Variants in PRKG1 observed in about 807,000 individuals in gnomAD.
PRKG1 encodes the protein protein kinase cGMP-dependent 1, also known as cGMP-dependent protein kinase 1.
A neutral mutation model predicts 88.1 loss-of-function variants in PRKG1; 35 were observed. The observed-to-expected ratio is 0.40, with a 90% confidence interval of 0.30 to 0.53. PRKG1 has a LOEUF of 0.53. PRKG1 is among the 20% of genes least tolerant of loss of function. PRKG1 has a pLI of 0.59. For synonymous variants in PRKG1, 303 were observed against 292.5 expected, an observed-to-expected ratio of 1.04 and a Z score of -0.37; for missense variants, 540 against 839.8, an observed-to-expected ratio of 0.64 and a Z score of 4.41.
At chr10:52,241,200 A>G (rs1187408795) in intron 9 of PRKG1, among the ~76,000 whole-genome samples, 3 of 152,180 alleles carry the variant, frequency 2.0e-5, no homozygotes, top group African/African-American at 2.4e-5. Flanking sequence ...GCAGGACTCC[A>G]TGAAATGAAA....
intron 3 of PRKG1, among the ~76,000 whole-genome samples, chr10:51,564,476 T>A (rs28579070): frequency 0.069 from 10,462 of 151,884 alleles, 1,157 homozygotes; most frequent in African/African-American, 0.24. Flanking sequence ...GGAGTGAGCT[T>A]TGCAGATATT....
In PRKG1 at chr10:51,905,362, A is replaced by T. The variant is rs202080419; in HGVS notation, c.699-2145A>T. On this transcript the variant is annotated intron_variant, in intron 4 of 17. Transcript: ENST00000373980. ...CTAAGTAATGGAAATCAAAGTGACAAATTAACAACAAAATGTTCATGCTTT... is the reference window on the plus strand; with the variant it reads ...CTAAGTAATGGAAATCAAAGTGACATATTAACAACAAAATGTTCATGCTTT... Among the ~76,000 whole-genome samples, 4 of 152,310 alleles carry T rather than the reference A, an allele frequency of 2.6e-5. No individual in the cohort carries two copies. In the South Asian group the frequency reaches 8.3e-4, roughly 32 times the overall value.
chr10:51,568,617 A>T (rs1001690148), intron 3 of PRKG1: 11 of 152,174 alleles, frequency 7.2e-5, no homozygotes, highest in Admixed American at 2.0e-4. Flanking sequence ...GTATTTAAAT[A>T]ACTTTATAGC....
At chr10:52,171,786 A>ATTTTTTTTTTTTTTTTTTT (rs545195374) in intron 9 of PRKG1, among the ~76,000 whole-genome samples, 8 of 93,852 alleles carry the variant, frequency 8.5e-5, no homozygotes, top group African/African-American at 3.0e-4. Flanking sequence ...TTTTATCAAA[A>ATTTTTTTTTTTTTTTTTTT]TTTTTTTTTT....
chr10:51,372,538 T>C (rs752810369), intron 2 of PRKG1, among the ~76,000 whole-genome samples: 10 of 152,164 alleles, frequency 6.6e-5, no homozygotes, highest in Non-Finnish European at 1.0e-4. Flanking sequence ...TCTGCTACTA[T>C]GATGAGTAAA....
At chr10:52,073,996 T>A (rs745309790) in intron 7 of PRKG1, among the ~76,000 whole-genome samples, 65 of 152,076 alleles carry the variant, frequency 4.3e-4, no homozygotes, top group Non-Finnish European at 1.2e-4. Flanking sequence ...TCTGAACACC[T>A]TCACCTGAAA....
At chr10:51,478,132 A>G (rs1050504560) in intron 3 of PRKG1, among the ~76,000 whole-genome samples, 1 of 152,008 alleles carries the variant, frequency 6.6e-6, no homozygotes, top group Non-Finnish European at 1.5e-5. Context: ...GTGTTTGTGT[A>G]TTTTGAGTCT....
chr10:51,417,581 G>C (rs906112728), intron 2 of PRKG1, among the ~76,000 whole-genome samples: 1 of 152,118 alleles, frequency 6.6e-6, no homozygotes, highest in Non-Finnish European at 1.5e-5. Context: ...GAATTGTAGG[G>C]AATGAGTAAA....
chr10:51,325,120 A>G (rs922037815), intron 2 of PRKG1, among the ~76,000 whole-genome samples: 2 of 152,270 alleles, frequency 1.3e-5, no homozygotes, highest in Admixed American at 6.5e-5. Context: ...CATTTCCCTA[A>G]TAATTAGTGA....
At chr10:51,110,081 T>C (rs942343188) in intron 1 of PRKG1, among the ~76,000 whole-genome samples, 9 of 152,118 alleles carry the variant, frequency 5.9e-5, no homozygotes, top group Admixed American at 1.3e-4. Context: ...AACGAACTTA[T>C]ACACTGACGG....
chr10:51,299,268 C>T (rs542976027), intron 2 of PRKG1, among the ~76,000 whole-genome samples: 5 of 151,728 alleles, frequency 3.3e-5, no homozygotes, highest in Non-Finnish European at 5.9e-5. Flanking sequence ...TGCAGTGGTA[C>T]GATCTCGGCT....
intron 10 of PRKG1, among the ~76,000 whole-genome samples, chr10:52,259,121 C>CAAA (rs57994383): frequency 1.0e-5 from 1 of 99,032 alleles, no homozygotes. Context: ...TTAGACTTGC[C>CAAA]AAAAAAAAAA....
intron 7 of PRKG1, among the ~76,000 whole-genome samples, chr10:52,064,403 T>C (rs961035690): frequency 1.3e-5 from 2 of 152,148 alleles, no homozygotes; most frequent in Non-Finnish European, 2.9e-5. Flanking sequence ...AGCAGGCACC[T>C]CTGATCCTGT....
At chr10:51,520,000 T>A (rs946900819) in intron 3 of PRKG1, among the ~76,000 whole-genome samples, 4 of 152,120 alleles carry the variant, frequency 2.6e-5, no homozygotes, top group Non-Finnish European at 5.9e-5. Context: ...ATAAGGTGCA[T>A]GCTATATTTA....
intron 3 of PRKG1, among the ~76,000 whole-genome samples, chr10:51,557,656 A>G (rs1487522761): frequency 6.6e-6 from 1 of 152,078 alleles, no homozygotes; most frequent in East Asian, 1.9e-4. Context: ...TGAAGATTAA[A>G]TAAGATAATG....
chr10:51,407,572 GATGGTATTGAGGGTTACCTTC>G, intron 2 of PRKG1, among the ~76,000 whole-genome samples: 1 of 152,302 alleles, frequency 6.6e-6, no homozygotes, highest in South Asian at 2.1e-4. Flanking sequence ...CGTGGTTGTG[GATGGTATTGAGGGTTACCTTC>G]TTCTACTACC....
rs531509793 is a variant in PRKG1, at chr10:50,991,543, C to A, written c.165C>A (p.Gly55=). The A allele has an allele frequency of 6.2e-7, 1 of 1,609,438 alleles. No individual in the cohort carries two copies. The highest frequency in any genetic ancestry group is 8.5e-7 in the Non-Finnish European group (1 of 1,178,302). The change falls in exon 1 of 18, where the codon GGC becomes GGA. Residue 55 remains glycine, a synonymous_variant. Transcript: ENST00000401604. This position sits in a 1 kb window ranked among gnomAD's most constrained non-coding sequence, Gnocchi z 4.5. ...TCCCAGTGCCCTCGACCCACATCGG[C>A]CCCCGGACCACCCGGGCGCAGGGCA...
chr10:52,021,020 G>A (rs1456870156), intron 5 of PRKG1, among the ~76,000 whole-genome samples: 1 of 152,100 alleles, frequency 6.6e-6, no homozygotes, highest in Non-Finnish European at 1.5e-5. Flanking sequence ...TTCCTAGTGG[G>A]TGGGGGTGAG....
intron 7 of PRKG1, chr10:52,128,003 T>C: frequency 1.0e-6 from 1 of 968,382 alleles, no homozygotes. Flanking sequence ...ATTTCATTTT[T>C]TGTGGTTCTT....
Sources: allele counts gnomAD v4.1 joint callset (sites outside exome capture counted in the v4.1 genomes callset), GRCh38; gene constraint gnomAD v4.1.1; non-coding constraint Gnocchi (gnomAD v3.1); transcripts MANE v1.5; gene names NCBI Gene and HGNC (gene_info 2026-07-23, HGNC 2026-07-21).